Variants in SLC22A4 observed in about 807,000 individuals in gnomAD.
SLC22A4 encodes the protein solute carrier family 22 member 4, also known as ET transporter.
In SLC22A4, 39 loss-of-function variants were observed where a neutral mutation model predicts 56.6. The observed-to-expected ratio is 0.69, with a 90% CI of 0.53 to 0.90. The LOEUF (loss-of-function observed/expected upper bound fraction) is 0.90, where lower values mean the gene tolerates loss of function less well. Among genes scored for constraint, SLC22A4 ranks in the 40% least tolerant of loss-of-function variants. The pLI, the probability that SLC22A4 is intolerant of heterozygous loss-of-function variation, is 0.00. For synonymous variants in SLC22A4, 241 were observed against 281.4 expected, an observed-to-expected ratio of 0.86 and a Z score of 1.44; for missense variants, 594 against 696.5, an observed-to-expected ratio of 0.85 and a Z score of 1.66.
chr5:132,335,906 G>A lies in SLC22A4; in HGVS notation c.1350G>A (p.Glu450=), dbSNP rs193043140. ...AFSMLYVFTA[E]LYPTLVRNMA... is the part of the protein sequence containing the mutation. ...CCATGCTGTATGTCTTCACTGCTGA[G>A]CTCTACCCAACCCTGGTCAGGAACA... is the stretch of plus-strand genomic sequence containing the variant. Residue 450 remains glutamate (E), a synonymous_variant, in exon 8 of 10, where the codon GAG becomes GAA. Coordinates refer to ENST00000200652, the MANE Select transcript of SLC22A4 (RefSeq NM_003059.3). The A allele has an allele frequency of 3.7e-4, 598 of 1,614,154 alleles. 5 individuals carry two copies. The East Asian group carries it at 8.0e-3, about 21-fold the overall frequency.
intron 3 of SLC22A4, among the ~76,000 whole-genome samples, chr5:132,320,340 GC>G (rs1750494984): frequency 6.6e-6 from 1 of 152,164 alleles, no homozygotes; most frequent in Admixed American, 6.5e-5. Context: ...CAAACCCTCT[GC>G]CACTGAATCT....
intron 3 of SLC22A4, among the ~76,000 whole-genome samples, chr5:132,316,257 G>T (rs1193732248): frequency 6.6e-6 from 1 of 152,116 alleles, no homozygotes; most frequent in South Asian, 2.1e-4. Flanking sequence ...GATCAAGGCT[G>T]CCACAGTCGT....
intron 3 of SLC22A4, among the ~76,000 whole-genome samples, chr5:132,317,876 C>G (rs1008709276): frequency 6.6e-6 from 1 of 152,168 alleles, no homozygotes; most frequent in African/African-American, 2.4e-5. Context: ...CATATAAATA[C>G]GTAAACATGA....
rs145753025 is a variant in SLC22A4 at position 132,325,794 on chromosome 5, G to A, written c.825-1483G>A. On this transcript the variant is annotated intron_variant, in intron 4 of 9. Coordinates refer to ENST00000200652, the MANE Select transcript of SLC22A4 (RefSeq NM_003059.3). The stretch of plus-strand genomic sequence containing the variant: ...AGGCCAGACACGACTCCAGAGGCAG[G>A]GCTTGGACACTGGACCAAATTGAGG... Among the ~76,000 whole-genome samples the A allele has an allele frequency of 5.5e-3, 843 of 152,228 alleles. 7 individuals carry two copies. Among genetic ancestry groups the A allele is most frequent in the African/African-American group, 0.02 (819 of 41,536 alleles).
intron 8 of SLC22A4, among the ~76,000 whole-genome samples, chr5:132,340,063 G>GTTTTTTTTT (rs4646203): frequency 1.1e-5 from 1 of 94,868 alleles, no homozygotes; most frequent in Non-Finnish European, 2.1e-5. Context: ...ATACTTAGTT[G>GTTTTTTTTT]TTTTTTTTTT....
At chr5:132,295,190 C>T (rs17621961) in intron 1 of SLC22A4, 181 bp downstream of exon 1, 8,749 of 771,958 alleles carry the variant, frequency 0.011, 149 homozygotes, top group African/African-American at 0.063. Context: ...GAGGCGCATT[C>T]CTGGGTCGTT....
intron 1 of SLC22A4, among the ~76,000 whole-genome samples, chr5:132,304,732 C>A (rs939525159): frequency 6.6e-6 from 1 of 151,952 alleles, no homozygotes; most frequent in Admixed American, 6.6e-5. Context: ...ACGAGATATG[C>A]AGAGAAACAG....
intron 8 of SLC22A4, among the ~76,000 whole-genome samples, chr5:132,338,231 CCT>C (rs1290339008): frequency 1.3e-5 from 2 of 152,026 alleles, no homozygotes; most frequent in Admixed American, 6.6e-5. Flanking sequence ...CATGATGCCC[CCT>C]GAGCCATAAA....
At chr5:132,312,425 C>T (rs1008661859) in intron 2 of SLC22A4, among the ~76,000 whole-genome samples, 161 bp downstream of exon 2, 4 of 152,126 alleles carry the variant, frequency 2.6e-5, no homozygotes, top group African/African-American at 4.8e-5. Flanking sequence ...CTATTCACCC[C>T]GCCCTCAGTC....
chr5:132,327,232 C>T, intron 4 of SLC22A4, 45 bp from the exon 5 acceptor site: 1 of 1,436,876 alleles, frequency 7.0e-7, no homozygotes, highest in Non-Finnish European at 9.5e-7. Flanking sequence ...TAGTATCCAG[C>T]CCTGCTGTTG....
chr5:132,328,926 TATATACACAC>T (rs1750774055), intron 5 of SLC22A4, among the ~76,000 whole-genome samples: 3 of 22,136 alleles, frequency 1.4e-4, no homozygotes, highest in African/African-American at 3.6e-4. Context: ...TATATATATA[TATATACACAC>T]ACACACTTTA....
intron 8 of SLC22A4, among the ~76,000 whole-genome samples, chr5:132,337,746 T>C (rs1427254120): frequency 6.6e-6 from 1 of 151,806 alleles, no homozygotes; most frequent in Non-Finnish European, 1.5e-5. Flanking sequence ...CCCCTTTTTT[T>C]TTTTTTGGAG....
intron 1 of SLC22A4, among the ~76,000 whole-genome samples, chr5:132,308,053 G>C (rs1046398361): frequency 6.6e-6 from 1 of 152,172 alleles, no homozygotes; most frequent in African/African-American, 2.4e-5. Flanking sequence ...TGTGTGCCTA[G>C]CACTGTGCAA....
intron 9 of SLC22A4, among the ~76,000 whole-genome samples, chr5:132,342,713 A>G (rs761012455): frequency 6.6e-6 from 1 of 152,232 alleles, no homozygotes; most frequent in Non-Finnish European, 1.5e-5. Context: ...AACACTGGCC[A>G]CTAGCGGTTT....
chr5:132,336,742 A>C (rs2126739991), intron 8 of SLC22A4, among the ~76,000 whole-genome samples: 1 of 152,330 alleles, frequency 6.6e-6, no homozygotes, highest in Middle Eastern at 3.4e-3. Flanking sequence ...ATAGATTCAC[A>C]GAAGTAAAAT....
intron 3 of SLC22A4, among the ~76,000 whole-genome samples, chr5:132,315,955 G>C (rs1454581629): frequency 6.6e-6 from 1 of 152,172 alleles, no homozygotes; most frequent in Admixed American, 6.5e-5. Flanking sequence ...CCTGGGGTTG[G>C]GGGACACAGT....
At chr5:132,332,002 C>T (rs767624322) in intron 6 of SLC22A4, 152 bp downstream of exon 6, 5 of 684,228 alleles carry the variant, frequency 7.3e-6, no homozygotes, top group Non-Finnish European at 1.3e-5. Flanking sequence ...TGCCTCTATT[C>T]AGTTCATGGG....
intron 4 of SLC22A4, among the ~76,000 whole-genome samples, chr5:132,326,319 C>T (rs190192910): frequency 3.1e-4 from 47 of 152,312 alleles, no homozygotes; most frequent in African/African-American, 1.1e-3. Flanking sequence ...TTTTCTAACA[C>T]AAAACCTATT....
intron 5 of SLC22A4, among the ~76,000 whole-genome samples, chr5:132,328,045 G>T (rs112979925): frequency 6.6e-6 from 1 of 152,164 alleles, no homozygotes; most frequent in Non-Finnish European, 1.5e-5. Context: ...AAGGAACATA[G>T]AATGTAACTA....
Sources: allele counts gnomAD v4.1 joint callset (sites outside exome capture counted in the v4.1 genomes callset), GRCh38; gene constraint gnomAD v4.1.1; transcripts MANE v1.5; gene names NCBI Gene and HGNC (gene_info 2026-07-23, HGNC 2026-07-21).